LRRK1: variants seen among roughly 807,000 people sequenced by gnomAD.
LRRK1 encodes the protein leucine-rich repeat serine/threonine-protein kinase 1.
Under a neutral mutation model 209.1 loss-of-function variants are expected in LRRK1, and 113 were observed. The ratio of observed to expected loss-of-function variants is 0.54; its 90% CI spans 0.46 to 0.63. The LOEUF (loss-of-function observed/expected upper bound fraction) is 0.63, where lower values mean the gene tolerates loss of function less well. LRRK1 is among the 30% of genes least tolerant of loss of function. The pLI, the probability that LRRK1 is intolerant of heterozygous loss-of-function variation, is 0.00. For missense variants in LRRK1, 2,284 were observed against 2,632.2 expected (o/e 0.87, Z 2.89); for synonymous variants, 1,144 against 1,099.7 (o/e 1.04, Z -0.80).
intron 2 of LRRK1, among the ~76,000 whole-genome samples, chr15:100,956,499 C>G (rs1174813809): frequency 8.2e-6 from 1 of 122,224 alleles, no homozygotes; most frequent in African/African-American, 3.4e-5. Flanking sequence ...TCTGTCACCC[C>G]CAGGCTGGAG....
intron 6 of LRRK1, among the ~76,000 whole-genome samples, chr15:101,008,107 C>T (rs1282551557): frequency 7.1e-6 from 1 of 141,442 alleles, no homozygotes; most frequent in East Asian, 2.1e-4. Flanking sequence ...CGCACCACTG[C>T]ACTCCAGCCT....
chr15:100,920,507 G>C (rs1342395824), intron 1 of LRRK1, among the ~76,000 whole-genome samples: 2 of 152,172 alleles, frequency 1.3e-5, no homozygotes, highest in Non-Finnish European at 2.9e-5. Flanking sequence ...AGGAGGTTTT[G>C]CGGTCAGCCA....
At chr15:100,947,028 G>C (rs146929845) in intron 2 of LRRK1, among the ~76,000 whole-genome samples, 1 of 151,820 alleles carries the variant, frequency 6.6e-6, no homozygotes, top group East Asian at 1.9e-4. Flanking sequence ...GGAGTGCAGT[G>C]TCACGATCTC....
Position 100,984,590 on chromosome 15 carries a change from G to A in LRRK1, c.433+891G>A, listed in dbSNP as rs183054992. The stretch of plus-strand genomic sequence containing the variant: ...AGTTGGAATCCCACAGTCTGTAGCC[G>A]TTTCAAACTCACTTCTTTCCCATAG... On this transcript the variant is annotated intron_variant, in intron 4 of 33. Transcript: ENST00000388948. Among the ~76,000 whole-genome samples, 510 of 151,314 alleles carry A rather than the reference G, an allele frequency of 3.4e-3. 2 individuals are homozygous for A. The highest frequency in any genetic ancestry group is 0.011 in the African/African-American group (471 of 41,208).
chr15:100,931,642 C>T (rs1404144685), intron 2 of LRRK1, among the ~76,000 whole-genome samples: 1 of 152,166 alleles, frequency 6.6e-6, no homozygotes, highest in East Asian at 1.9e-4. Context: ...GCTGGTGGGG[C>T]TGGCGCGGGA....
intron 6 of LRRK1, among the ~76,000 whole-genome samples, chr15:101,006,674 C>T (rs953045156): frequency 3.3e-5 from 5 of 152,024 alleles, no homozygotes; most frequent in African/African-American, 7.2e-5. Context: ...GAAGTATTTA[C>T]GGGTGAAGCA....
Position 101,026,007 on chromosome 15 carries a change from C to G in LRRK1, c.2275C>G (p.Leu759Val), listed in dbSNP as rs1230489888. ...CGTGGTGCTGGTGGTCGGGACGCAC[C>G]TGGATTTAATTGAAGCCAAGTTCCG... ...NAVVLVVGTH[L>V]DLIEAKFRVE... The change falls in exon 17 of 34, where the codon CTG becomes GTG. Residue 759 changes from leucine to valine, a missense_variant. Physicochemically the swap from Leu to Val is conservative, Grantham distance 32. Around this residue, in one of 6 missense-constraint regions of LRRK1, gnomAD observed 780 missense variants for 985.2 expected, o/e 0.79. Transcript: ENST00000388948. The G allele has an allele frequency of 6.2e-7, 1 of 1,614,258 alleles. No homozygotes were observed. Among genetic ancestry groups the G allele is most frequent in the Non-Finnish European group, 8.5e-7 (1 of 1,180,046 alleles).
At chr15:101,012,206 G>T in intron 10 of LRRK1, 61 bp downstream of exon 10, 1 of 1,386,194 alleles carries the variant, frequency 7.2e-7, no homozygotes, top group South Asian at 1.3e-5. Context: ...GCTCCGTGTT[G>T]CAGTGAAATG....
intron 2 of LRRK1, among the ~76,000 whole-genome samples, chr15:100,930,443 C>A (rs1173115153): frequency 6.6e-6 from 1 of 152,156 alleles, no homozygotes; most frequent in Non-Finnish European, 1.5e-5. Context: ...TTCAGGAGCA[C>A]CCCCACTGAT....
chr15:100,956,455 C>CTTTTCT (rs2042760510), intron 2 of LRRK1, among the ~76,000 whole-genome samples: 3 of 60,520 alleles, frequency 5.0e-5, no homozygotes, highest in African/African-American at 8.5e-5. Flanking sequence ...TTTTTTTTTT[C>CTTTTCT]TTTTTTTTTT....
intron 2 of LRRK1, among the ~76,000 whole-genome samples, chr15:100,963,733 G>T (rs1043041262): frequency 1.3e-5 from 2 of 152,172 alleles, no homozygotes; most frequent in Non-Finnish European, 2.9e-5. Context: ...TTGTTATGTA[G>T]TACTGCCCTC....
chr15:100,974,552 G>C (rs1394760206), intron 3 of LRRK1, among the ~76,000 whole-genome samples: 2 of 152,176 alleles, frequency 1.3e-5, no homozygotes, highest in Non-Finnish European at 2.9e-5. Flanking sequence ...AAAATTCCTT[G>C]TAGGCGTCTC....
chr15:101,013,006 C>T (rs1220459134), intron 10 of LRRK1, among the ~76,000 whole-genome samples: 1 of 152,224 alleles, frequency 6.6e-6, no homozygotes, highest in Non-Finnish European at 1.5e-5. Context: ...TCGTATTTCA[C>T]ACCAACAACT....
At position 101,015,413 on chromosome 15, in the gene LRRK1, G is replaced by T. The variant is rs769130400; in HGVS notation, c.1609+11G>T. ...CCGGGACTGAGGCAGGTGTGTGTGG[G>T]TTGGGAGACGGTGTTCCCAGATGAG... On this transcript the variant is annotated intron_variant, in intron 12 of 33. Coordinates refer to ENST00000388948, the MANE Select transcript of LRRK1 (RefSeq NM_024652.6). The T allele has an allele frequency of 1.2e-6, 2 of 1,607,608 alleles. No homozygotes were observed. Among genetic ancestry groups the T allele is most frequent in the Admixed American group, 3.4e-5 (2 of 59,548 alleles).
Position 101,072,823 on chromosome 15 carries a change from CT to C in LRRK1, c.*3976del, listed in dbSNP as rs2036851031. On this transcript the variant is annotated 3_prime_UTR_variant, in exon 34 of 34. Coordinates refer to ENST00000388948, the MANE Select transcript of LRRK1 (RefSeq NM_024652.6). ...ACGGCCTCACGCCTATCTCCCTTCACTGACTCCCTTTTCGGACTCAGCCCAC... is the reference window on the plus strand; with the variant it reads ...ACGGCCTCACGCCTATCTCCCTTCACGACTCCCTTTTCGGACTCAGCCCAC... 6.6e-6 allele frequency: 1 copy of C among 152,562 alleles called. No individual in the cohort carries two copies. Among genetic ancestry groups the C allele is most frequent in the South Asian group, 2.1e-4 (1 of 4,844 alleles). 9.5% of individuals were successfully genotyped at this position (152,562 alleles called of 1,614,324 possible).
Position 101,053,430 on chromosome 15 carries a change from C to A in LRRK1, c.4054+10C>A. 6.4e-7 allele frequency: 1 copy of A among 1,564,644 alleles called. No homozygotes were observed. Among genetic ancestry groups the A allele is most frequent in the Non-Finnish European group, 8.6e-7 (1 of 1,161,146 alleles). Reference sequence around the variant, plus strand: ...TCCGAGAACGCCAGAGGTACCGCGGCGCGCCGCCCCACCCGGCCCCGGAGA... The same window carrying A: ...TCCGAGAACGCCAGAGGTACCGCGGAGCGCCGCCCCACCCGGCCCCGGAGA... On this transcript the variant is annotated intron_variant, in intron 26 of 33. Coordinates refer to ENST00000388948, the MANE Select transcript of LRRK1 (RefSeq NM_024652.6).
chr15:101,049,049 A>G (rs2035241642), intron 22 of LRRK1, among the ~76,000 whole-genome samples: 1 of 151,794 alleles, frequency 6.6e-6, no homozygotes, highest in South Asian at 2.1e-4. Flanking sequence ...GGATGCTGAG[A>G]CTCCTCAGCC....
intron 20 of LRRK1, among the ~76,000 whole-genome samples, chr15:101,036,422 A>T (rs1596304570): frequency 6.6e-6 from 1 of 152,276 alleles, no homozygotes; most frequent in East Asian, 1.9e-4. Context: ...CACTCAATGA[A>T]TTCTTCAGTC....
chr15:101,042,006 G>A (rs969355726), intron 20 of LRRK1, among the ~76,000 whole-genome samples: 4 of 152,134 alleles, frequency 2.6e-5, no homozygotes, highest in Non-Finnish European at 5.9e-5. Context: ...GCAGATAAGG[G>A]AGGACTACAA....
Sources: allele counts gnomAD v4.1 joint callset (sites outside exome capture counted in the v4.1 genomes callset), GRCh38; gene constraint gnomAD v4.1.1; regional missense constraint gnomAD v4.1.1; transcripts MANE v1.5; gene names NCBI Gene and HGNC (gene_info 2026-07-23, HGNC 2026-07-21).